The following BSDC1 variants were observed in gnomAD, a reference collection of about 807,000 sequenced individuals.
BSDC1 encodes BSD domain containing 1, also known as BSD domain-containing protein 1.
Under a neutral mutation model 56.0 loss-of-function variants are expected in BSDC1, and 29 were observed. The ratio of observed to expected loss-of-function variants is 0.52; its 90% confidence interval spans 0.39 to 0.71. The LOEUF (loss-of-function observed/expected upper bound fraction) is 0.71. Among genes scored for constraint, BSDC1 ranks in the 30% least tolerant of loss-of-function variants. The pLI, the probability that BSDC1 is intolerant of heterozygous loss-of-function variation, is 0.00. For synonymous variants in BSDC1, 210 were observed against 215.3 expected (o/e 0.98, Z 0.21); for missense variants, 477 against 548.5 (o/e 0.87, Z 1.30).
rs58560406 is a variant in BSDC1 at position 32,389,784 on chromosome 1, CCA to C, written c.73-2891_73-2890del. Among the ~76,000 whole-genome samples the C allele has an allele frequency of 9.8e-3, 1,430 of 145,552 alleles. 14 individuals are homozygous for C. Among genetic ancestry groups the C allele is most frequent in the African/African-American group, 0.026 (1,025 of 39,834 alleles). On this transcript the variant is annotated intron_variant, in intron 2 of 10. Transcript: ENST00000455895. Reference sequence around the variant, plus strand: ...TTTGGACACTATGGCAAAACCGTCTCCACACACACACACACACACACACACAC... The same window carrying C: ...TTTGGACACTATGGCAAAACCGTCTCCACACACACACACACACACACACAC...
At chr1:32,377,418 G>A (rs1642330489) in intron 8 of BSDC1, among the ~76,000 whole-genome samples, 1 of 152,130 alleles carries the variant, frequency 6.6e-6, no homozygotes, top group South Asian at 2.1e-4. Context: ...ATCCTTAAGA[G>A]GGGTAATGGG....
In BSDC1 at chr1:32,365,163, C is replaced by T. The variant is rs182597152; in HGVS notation, c.*1459G>A. 6.6e-5 allele frequency: 10 copies of T among 152,316 alleles called. No homozygotes were observed. Among genetic ancestry groups the T allele is most frequent in the African/African-American group, 1.9e-4 (8 of 41,580 alleles). The allele number at this position is 152,316 out of a possible 1,614,324, so 9.4% of individuals were successfully genotyped here. A position where few individuals can be genotyped will look rare whatever the true frequency, so the allele number is the denominator to read the frequency against. ...CGGCAAGTCTGTAAAAGGTTCAGGA[C>T]AAAGTTCTTTTTTCTTTCTTTTTTA... On this transcript the variant is annotated 3_prime_UTR_variant, in exon 11 of 11. Transcript: ENST00000455895.
At chr1:32,387,849 A>AT (rs1427819392) in intron 2 of BSDC1, among the ~76,000 whole-genome samples, 1 of 152,124 alleles carries the variant, frequency 6.6e-6, no homozygotes, top group Non-Finnish European at 1.5e-5. Flanking sequence ...AAGGCATGTG[A>AT]TTTTTTACAT....
intron 9 of BSDC1, among the ~76,000 whole-genome samples, chr1:32,373,627 C>G (rs1447939869): frequency 6.6e-6 from 1 of 152,070 alleles, no homozygotes; most frequent in African/African-American, 2.4e-5. Context: ...CTCAGGTGAT[C>G]CTCCCACCTC....
Position 32,378,048 on chromosome 1 carries a change from C to T in BSDC1, c.598G>A (p.Glu200Lys), listed in dbSNP as rs768458088. The T allele has an allele frequency of 1.9e-6, 3 of 1,608,780 alleles. No individual in the cohort carries two copies. In the South Asian group the frequency reaches 3.3e-5, roughly 18 times the overall value. The change falls in exon 8 of 11, where the codon GAG (glutamate) becomes AAG (lysine). Residue 200 changes from glutamate (E) to lysine (K), a missense_variant and splice_region_variant. By Grantham distance (56) the Glu-to-Lys change is moderately conservative. Transcript: ENST00000455895. The surrounding 1 kb of genome is among the most constrained non-coding windows in gnomAD (Gnocchi z 5.2). ...TTCAGGGCGTCCCTCCGGGCCTGCT[C>T]CTGAATGTGGGGGAGCAGAAGGCCA... ...YFYKVHQLEQ[E>K]QARRDALKQR... is the part of the protein sequence containing the mutation.
At chr1:32,393,019 G>A (rs150995093) in intron 2 of BSDC1, among the ~76,000 whole-genome samples, 7 of 152,274 alleles carry the variant, frequency 4.6e-5, no homozygotes, top group Non-Finnish European at 7.4e-5. Flanking sequence ...AGCTGAGACC[G>A]CACCTGTGCA....
intron 9 of BSDC1, among the ~76,000 whole-genome samples, chr1:32,372,243 A>G (rs1642118565): frequency 6.6e-6 from 1 of 152,064 alleles, no homozygotes; most frequent in East Asian, 1.9e-4. Flanking sequence ...AGCTCTTCTG[A>G]CTCTGCACCT....
intron 8 of BSDC1, 25 bp downstream of exon 8, chr1:32,377,945 C>G (rs1412210727): frequency 6.3e-7 from 1 of 1,597,980 alleles, no homozygotes; most frequent in South Asian, 1.1e-5. Flanking sequence ...GTGACACTTG[C>G]CCCTCACCTC....
At chr1:32,375,025 G>A (rs573772093) in intron 9 of BSDC1, among the ~76,000 whole-genome samples, 2 of 152,196 alleles carry the variant, frequency 1.3e-5, no homozygotes, top group East Asian at 1.9e-4. Flanking sequence ...GATAGCATGC[G>A]CCTGTAGTCC....
intron 5 of BSDC1, among the ~76,000 whole-genome samples, chr1:32,380,437 G>C (rs897566536): frequency 1.3e-5 from 2 of 152,164 alleles, no homozygotes; most frequent in Non-Finnish European, 2.9e-5. Flanking sequence ...CCTGAGGTCA[G>C]GAGTTTGAGA....
intron 8 of BSDC1, 94 bp downstream of exon 8, chr1:32,377,876 G>T: frequency 1.6e-6 from 2 of 1,225,404 alleles, no homozygotes; most frequent in Non-Finnish European, 2.3e-6. Flanking sequence ...TCCCTGATGG[G>T]CACCAAGTCT....
Position 32,378,970 on chromosome 1 carries a change from TA to T in BSDC1, c.413-132del. The T allele has an allele frequency of 1.8e-6, 1 of 566,472 alleles. No homozygotes were observed. Among genetic ancestry groups the T allele is most frequent in the Non-Finnish European group, 2.9e-6 (1 of 348,986 alleles). The allele number at this position is 566,472 out of a possible 1,614,324, so 35.1% of individuals were successfully genotyped here. ...GTATTCAAAGCCACTTAGCCAAGGG[TA>T]GGGGGTCAGGCAGGGTGAAGGGGCG... On this transcript the variant is annotated intron_variant, in intron 5 of 10. Transcript: ENST00000455895. This position sits in a 1 kb window ranked among gnomAD's most constrained non-coding sequence, Gnocchi z 5.2.
chr1:32,382,418 C>T (rs1195888864), intron 4 of BSDC1, among the ~76,000 whole-genome samples: 1 of 149,150 alleles, frequency 6.7e-6, no homozygotes, highest in African/African-American at 2.5e-5. Flanking sequence ...GAGCTGTGAT[C>T]GCACCACTGC....
In BSDC1 at chr1:32,394,146, G is replaced by T; in HGVS notation, c.12-6C>A. The T allele has an allele frequency of 6.2e-7, 1 of 1,608,034 alleles. No homozygotes were observed. Among genetic ancestry groups the T allele is most frequent in the Non-Finnish European group, 8.5e-7 (1 of 1,177,384 alleles). ...GCCACCATCCCACGTCCTCCCTGTG[G>T]AAGACAGACACATCTGGCAGCACCG... On this transcript the variant is annotated splice_polypyrimidine_tract_variant and splice_region_variant and intron_variant, in intron 1 of 10. Coordinates refer to ENST00000455895, the MANE Select transcript of BSDC1 (RefSeq NM_018045.8).
chr1:32,382,084 G>A (rs568472825), intron 4 of BSDC1, among the ~76,000 whole-genome samples: 5 of 152,044 alleles, frequency 3.3e-5, no homozygotes, highest in Admixed American at 6.6e-5. Flanking sequence ...AAAATTAGCC[G>A]GGCATGGTGA....
intron 4 of BSDC1, among the ~76,000 whole-genome samples, chr1:32,382,605 A>C (rs1642520150): frequency 6.6e-6 from 1 of 151,956 alleles, no homozygotes; most frequent in South Asian, 2.1e-4. Context: ...TTACGCCTGT[A>C]ATCTCAGTAC....
At chr1:32,366,858 T>C in intron 10 of BSDC1, 1 of 1,313,030 alleles carries the variant, frequency 7.6e-7, no homozygotes, top group East Asian at 3.0e-5. Context: ...GTGGGCCTGA[T>C]GCTCTGATTA....
At chr1:32,381,300 T>C (rs1428572984) in intron 4 of BSDC1, 32 bp from the exon 5 acceptor site, 10 of 1,606,342 alleles carry the variant, frequency 6.2e-6, no homozygotes, top group Non-Finnish European at 7.7e-6. Flanking sequence ...AAAACAGAAA[T>C]TCTGAGATAC....
chr1:32,386,830 G>A lies in BSDC1; in HGVS notation c.138C>T (p.Asp46=), dbSNP rs1230116621. The change falls in exon 3 of 11, where the codon GAC becomes GAT. Residue 46 remains aspartate, a synonymous_variant. Transcript: ENST00000455895. ...CCGTGGCTGCGATGGTACAGGCCGTGTCATGCTGCACCACCTGGGTAAACT... is the reference window on the plus strand; with the variant it reads ...CCGTGGCTGCGATGGTACAGGCCGTATCATGCTGCACCACCTGGGTAAACT... ...LTEFTQVVQH[D]TACTIAATAS... 6.2e-7 allele frequency: 1 copy of A among 1,612,436 alleles called. No homozygotes were observed. The highest frequency in any genetic ancestry group is 1.3e-5 in the African/African-American group (1 of 74,880).
Sources: allele counts gnomAD v4.1 joint callset (sites outside exome capture counted in the v4.1 genomes callset), GRCh38; gene constraint gnomAD v4.1.1; non-coding constraint Gnocchi (gnomAD v3.1); transcripts MANE v1.5; gene names NCBI Gene and HGNC (gene_info 2026-07-23, HGNC 2026-07-21).